ARHGAP32: variants seen among roughly 807,000 people sequenced by gnomAD.
ARHGAP32 encodes Rho GTPase activating protein 32, also known as rho GTPase-activating protein 32.
In ARHGAP32, 51 loss-of-function variants were observed where a neutral mutation model predicts 186.5. The observed-to-expected ratio is 0.27, with a 90% CI of 0.22 to 0.35. ARHGAP32 has a LOEUF of 0.35. Ranked by LOEUF, ARHGAP32 falls within the 10% of genes least tolerant of loss-of-function variation. The pLI is 1.00. For synonymous variants in ARHGAP32, 950 were observed against 964.3 expected (o/e 0.99, Z 0.27); for missense variants, 2,186 against 2,623.5 (o/e 0.83, Z 3.64).
intron 1 of ARHGAP32, among the ~76,000 whole-genome samples, chr11:129,252,526 C>T (rs1262242972): frequency 1.3e-5 from 2 of 152,080 alleles, no homozygotes; most frequent in Non-Finnish European, 2.9e-5. Context: ...AAGAGTAAAA[C>T]AGTCCAGTAA....
chr11:128,980,719 C>T lies in ARHGAP32; in HGVS notation c.1810G>A (p.Val604Ile), dbSNP rs954428096. Residue 604 changes from valine (V) to isoleucine (I), a missense_variant, in exon 18 of 23, where the codon GTA (valine) becomes ATA (isoleucine). Physicochemically the swap from Val to Ile is conservative, Grantham distance 29. Transcript: ENST00000682385. ...ASLSRPKSLLVSSPSTKLLTL... is the reference protein window; with the variant it reads ...ASLSRPKSLLISSPSTKLLTL... ...AGCAGTTTGGTGGATGGAGAGGATA[C>T]CAGGAGGGACTTGGGCCTTGATAGA... 6.8e-6 allele frequency: 11 copies of T among 1,612,476 alleles called. No individual in the cohort carries two copies. Among genetic ancestry groups the T allele is most frequent in the Non-Finnish European group, 8.5e-6 (10 of 1,179,344 alleles).
chr11:129,221,404 G>A (rs1440834326), intron 1 of ARHGAP32, among the ~76,000 whole-genome samples: 2 of 151,534 alleles, frequency 1.3e-5, no homozygotes, highest in Non-Finnish European at 2.9e-5. Context: ...GAAGGGGTGG[G>A]CTGAAATATG....
intron 6 of ARHGAP32, among the ~76,000 whole-genome samples, chr11:129,092,551 C>G (rs768526917): frequency 1.3e-5 from 2 of 151,784 alleles, no homozygotes; most frequent in Non-Finnish European, 2.9e-5. Context: ...TCAAAGAAGC[C>G]AAGGTGACAT....
At chr11:129,171,892 T>C (rs1323299536) in intron 1 of ARHGAP32, among the ~76,000 whole-genome samples, 2 of 152,104 alleles carry the variant, frequency 1.3e-5, no homozygotes, top group South Asian at 4.1e-4. Context: ...TCACATCCCC[T>C]GTTAACAGTA....
At chr11:129,235,491 A>T (rs530352350) in intron 1 of ARHGAP32, among the ~76,000 whole-genome samples, 3 of 152,172 alleles carry the variant, frequency 2.0e-5, no homozygotes, top group Non-Finnish European at 4.4e-5. Flanking sequence ...TATCTGCTCA[A>T]ATACAAGAAC....
intron 1 of ARHGAP32, among the ~76,000 whole-genome samples, chr11:129,191,809 C>T (rs975987747): frequency 3.9e-5 from 6 of 152,032 alleles, no homozygotes; most frequent in African/African-American, 1.4e-4. Context: ...TGAGTGTCTA[C>T]TTGAAATTCC....
intron 1 of ARHGAP32, among the ~76,000 whole-genome samples, chr11:129,221,905 A>G (rs146914392): frequency 7.2e-4 from 110 of 152,156 alleles, no homozygotes; most frequent in African/African-American, 2.5e-3. Context: ...ACAGTATGTT[A>G]CTTGTGGACA....
Position 129,207,591 on chromosome 11 carries a change from T to A in ARHGAP32, c.-4-43164A>T, listed in dbSNP as rs571880689. Among the ~76,000 whole-genome samples, 57 of 152,252 alleles carry A rather than the reference T, an allele frequency of 3.7e-4. No individual in the cohort carries two copies. The East Asian group carries it at 4.4e-3, about 12-fold the overall frequency. ...GGCCACTTTTTTATGGGTTTTTTTT[T>A]ATATAAATTTGTTTAATTTCTTTGT... On this transcript the variant is annotated intron_variant, in intron 1 of 6. Coordinates refer to the ARHGAP32 transcript ENST00000525234.
intron 1 of ARHGAP32, among the ~76,000 whole-genome samples, chr11:129,222,695 T>A (rs138186143): frequency 2.3e-3 from 352 of 152,318 alleles, no homozygotes; most frequent in African/African-American, 8.3e-3. Context: ...ACTCTTTAAG[T>A]GCAACCTCTC....
chr11:129,211,063 G>C (rs1394376515), intron 1 of ARHGAP32, among the ~76,000 whole-genome samples: 2 of 152,128 alleles, frequency 1.3e-5, no homozygotes, highest in East Asian at 3.9e-4. Context: ...ATCTTCGGCA[G>C]TCTATCAGCC....
At chr11:129,081,920 A>G (rs1941233198) in intron 6 of ARHGAP32, among the ~76,000 whole-genome samples, 1 of 152,174 alleles carries the variant, frequency 6.6e-6, no homozygotes, top group Admixed American at 6.5e-5. Context: ...ATACAAAGTC[A>G]ATGTACACAA....
At chr11:129,084,965 A>G (rs1591599844) in intron 6 of ARHGAP32, among the ~76,000 whole-genome samples, 1 of 152,328 alleles carries the variant, frequency 6.6e-6, no homozygotes, top group Non-Finnish European at 1.5e-5. Context: ...AGGTTAATAT[A>G]CAAAACCTAA....
In ARHGAP32 at chr11:128,986,673, C is replaced by T. The variant is rs368745137; in HGVS notation, c.1299-5G>A. The T allele has an allele frequency of 1.2e-4, 198 of 1,613,244 alleles. No homozygotes were observed. Among genetic ancestry groups the T allele is most frequent in the Non-Finnish European group, 1.5e-4 (172 of 1,179,532 alleles). The stretch of plus-strand genomic sequence containing the variant: ...TGCTCAGAGTCAAATTCATGGCTGA[C>T]GTAGACAGAAGAGGACAAGCAAATC... On this transcript the variant is annotated splice_polypyrimidine_tract_variant and splice_region_variant and intron_variant, in intron 13 of 22. Coordinates refer to ENST00000682385, the MANE Select transcript of ARHGAP32 (RefSeq NM_001378024.1).
At chr11:129,260,693 A>C (rs947379177) in intron 1 of ARHGAP32, among the ~76,000 whole-genome samples, 2 of 152,204 alleles carry the variant, frequency 1.3e-5, no homozygotes, top group Non-Finnish European at 1.5e-5. Flanking sequence ...CATCCGTTTT[A>C]AAAATAAATT....
At chr11:129,068,712 C>A (rs1940777616) in intron 6 of ARHGAP32, among the ~76,000 whole-genome samples, 1 of 151,908 alleles carries the variant, frequency 6.6e-6, no homozygotes, top group Admixed American at 6.6e-5. Flanking sequence ...CTATTACTAC[C>A]AAAATCCTGT....
At chr11:129,168,242 T>A (rs190133500) in intron 1 of ARHGAP32, among the ~76,000 whole-genome samples, 1 of 152,058 alleles carries the variant, frequency 6.6e-6, no homozygotes, top group Admixed American at 6.6e-5. Context: ...AAGCAACTTG[T>A]CTCAAAATAA....
intron 10 of ARHGAP32, among the ~76,000 whole-genome samples, chr11:129,059,856 C>G (rs573326704): frequency 6.6e-6 from 1 of 152,044 alleles, no homozygotes; most frequent in South Asian, 2.1e-4. Context: ...CCTGGTTACA[C>G]GGGCACCCCC....
chr11:129,040,935 T>C lies in ARHGAP32; in HGVS notation c.1038A>G (p.Pro346=). The change falls in exon 11 of 23, where the codon CCA becomes CCG. Residue 346 remains proline, a synonymous_variant. Transcript: ENST00000682385. ...TGAAAAAAGTGTACTCACCTGGTTT[T>C]GGCACTGAGTTGGTCACTGACTGGG... ...KVPQSVTNSV[P]KPVSKKHGKL... 1 of 1,604,008 alleles carries C rather than the reference T, an allele frequency of 6.2e-7. No homozygotes were observed. Among genetic ancestry groups the C allele is most frequent in the Non-Finnish European group, 8.5e-7 (1 of 1,174,886 alleles).
intron 1 of ARHGAP32, among the ~76,000 whole-genome samples, chr11:129,276,461 C>T (rs112591558): frequency 6.6e-5 from 10 of 152,032 alleles, no homozygotes; most frequent in African/African-American, 2.4e-4. Flanking sequence ...CCACTACACT[C>T]AGCTAATGGT....
Sources: gnomAD v4.1 joint callset for allele counts (sites outside exome capture counted in the v4.1 genomes callset) on GRCh38, gnomAD v4.1.1 for gene constraint, MANE v1.5 for transcripts, NCBI Gene and HGNC (gene_info 2026-07-23, HGNC 2026-07-21) for gene names.